The following GALNT17 variants were observed in gnomAD, a reference collection of about 807,000 sequenced individuals.
GALNT17 encodes UDP-GalNAc:polypeptide N-acetylgalactosaminyltransferase-like 3.
GALNT17 carries 29 observed loss-of-function variants against 63.7 expected under a neutral mutation model. The ratio of observed to expected loss-of-function variants is 0.46; its 90% confidence interval spans 0.34 to 0.62. GALNT17 has a LOEUF of 0.62. Among genes scored for constraint, GALNT17 ranks in the 20% least tolerant of loss-of-function variants. The pLI is 0.01. For missense variants in GALNT17, 603 were observed against 799.6 expected (o/e 0.75, Z 2.97); for synonymous variants, 305 against 318.3 (o/e 0.96, Z 0.45).
At chr7:71,216,055 T>TAAC (rs1789471657) in intron 1 of GALNT17, among the ~76,000 whole-genome samples, 1 of 138,768 alleles carries the variant, frequency 7.2e-6, no homozygotes, top group Non-Finnish European at 1.6e-5. Context: ...TAAATAATAA[T>TAAC]AATAATAATA....
intron 1 of GALNT17, among the ~76,000 whole-genome samples, chr7:71,242,244 C>CT (rs796157853): frequency 2.4e-3 from 280 of 117,014 alleles, no homozygotes; most frequent in East Asian, 9.1e-3. Context: ...GATCACATTT[C>CT]TTTTTTTTTT....
chr7:71,671,755 G>A (rs12699062), intron 8 of GALNT17, among the ~76,000 whole-genome samples: 6,052 of 152,254 alleles, frequency 0.04, 144 homozygotes, highest in Middle Eastern at 0.072. Flanking sequence ...GCCAAGCACC[G>A]TGGCTCACGC....
At chr7:71,308,787 A>G (rs138954765) in intron 1 of GALNT17, among the ~76,000 whole-genome samples, 2,145 of 143,958 alleles carry the variant, frequency 0.015, 26 homozygotes, top group Middle Eastern at 0.03. Context: ...TCTGTTGCCC[A>G]GGCTGGAGTG....
intron 5 of GALNT17, among the ~76,000 whole-genome samples, chr7:71,458,608 A>G (rs1030963089): frequency 1.3e-5 from 2 of 152,188 alleles, no homozygotes; most frequent in Non-Finnish European, 2.9e-5. Context: ...GAATCAGGTC[A>G]CACATGGACT....
rs142043206 is a variant in GALNT17, at chr7:71,670,880, CTGTG to C, written c.1404+790_1404+793del. ...ACACTTTGATGTGTGGGCCTCCGGA[CTGTG>C]TGTGTGTGTGTGTGTGTGCGTGTGT... On this transcript the variant is annotated intron_variant, in intron 8 of 10. Transcript: ENST00000333538. Among the ~76,000 whole-genome samples the C allele has an allele frequency of 8.1e-3, 681 of 84,596 alleles. 22 individuals carry two copies. Among genetic ancestry groups the C allele is most frequent in the Admixed American group, 0.06 (457 of 7,560 alleles). The allele number at this position is 84,596 out of a possible 152,430, so 55.5% of individuals were successfully genotyped here.
intron 2 of GALNT17, among the ~76,000 whole-genome samples, chr7:71,353,899 A>G (rs1295756211): frequency 6.6e-6 from 1 of 152,202 alleles, no homozygotes; most frequent in African/African-American, 2.4e-5. Flanking sequence ...CAGGCTATAT[A>G]GGAAGCATGA....
Position 71,684,516 on chromosome 7 carries a change from C to T in GALNT17, c.1500+7210C>T, listed in dbSNP as rs995002047. On this transcript the variant is annotated intron_variant, in intron 9 of 10. Coordinates refer to ENST00000333538, the MANE Select transcript of GALNT17 (RefSeq NM_022479.3). ...CATAGCCGCGTGTTCCAGCCCCTGC[C>T]TAGGGACAGCTCTGAACACTCTGGG... Among the ~76,000 whole-genome samples the T allele has an allele frequency of 3.3e-5, 5 of 152,074 alleles. No individual in the cohort carries two copies. In the East Asian group the frequency reaches 7.7e-4, roughly 24 times the overall value.
chr7:71,314,629 A>T (rs1791470123), intron 1 of GALNT17, among the ~76,000 whole-genome samples: 1 of 152,074 alleles, frequency 6.6e-6, no homozygotes. Flanking sequence ...GTTGAGATTA[A>T]TTTACATCCC....
At chr7:71,709,832 C>A (rs1451045975) in intron 9 of GALNT17, among the ~76,000 whole-genome samples, 3 of 152,198 alleles carry the variant, frequency 2.0e-5, no homozygotes, top group Non-Finnish European at 4.4e-5. Flanking sequence ...CTCCTGGCTT[C>A]AAGTGATCTG....
At chr7:71,414,403 G>C (rs1465738341) in intron 3 of GALNT17, among the ~76,000 whole-genome samples, 1 of 152,036 alleles carries the variant, frequency 6.6e-6, no homozygotes, top group Non-Finnish European at 1.5e-5. Context: ...TTTCTATATA[G>C]CTTTTCCTTT....
At chr7:71,646,893 C>A (rs1220912517) in intron 6 of GALNT17, among the ~76,000 whole-genome samples, 1 of 151,106 alleles carries the variant, frequency 6.6e-6, no homozygotes, top group Admixed American at 6.6e-5. Flanking sequence ...ACTACAGGTG[C>A]CCGCCACCAC....
In GALNT17 at chr7:71,192,507, C is replaced by T. The variant is rs551631325; in HGVS notation, c.238+59467C>T. Among the ~76,000 whole-genome samples the T allele has an allele frequency of 6.6e-5, 10 of 151,776 alleles. No individual in the cohort carries two copies. In the South Asian group the frequency reaches 1.3e-3, roughly 19 times the overall value. The stretch of plus-strand genomic sequence containing the variant: ...GCCTCCCAGGTTCAAGTGATCCTCC[C>T]GCCTCAGCCTCCCAAGTAGCCGGGA... On this transcript the variant is annotated intron_variant, in intron 1 of 10. Coordinates refer to ENST00000333538, the MANE Select transcript of GALNT17 (RefSeq NM_022479.3).
chr7:71,470,578 A>AG (rs1787611487), intron 5 of GALNT17, among the ~76,000 whole-genome samples: 1 of 152,074 alleles, frequency 6.6e-6, no homozygotes, highest in African/African-American at 2.4e-5. Context: ...AAGTGGAAGG[A>AG]GGGAGACGAT....
At chr7:71,234,499 G>A (rs1369981666) in intron 1 of GALNT17, among the ~76,000 whole-genome samples, 2 of 152,072 alleles carry the variant, frequency 1.3e-5, no homozygotes, top group Admixed American at 1.3e-4. Context: ...GCTGAGCTCA[G>A]GTGATCAGCC....
intron 9 of GALNT17, among the ~76,000 whole-genome samples, chr7:71,681,031 C>G (rs927018140): frequency 1.2e-4 from 18 of 152,162 alleles, no homozygotes; most frequent in Admixed American, 3.3e-4. Context: ...TCCTTAGTAG[C>G]TGGGACTAAA....
chr7:71,440,966 A>G (rs10264720), intron 5 of GALNT17, among the ~76,000 whole-genome samples: 151,659 of 152,090 alleles, frequency 1, 75,615 homozygotes, highest in Middle Eastern at 1. Context: ...ACATATGACT[A>G]TTTCATGTCT....
At chr7:71,171,713 G>A (rs1052015372) in intron 1 of GALNT17, among the ~76,000 whole-genome samples, 1 of 152,184 alleles carries the variant, frequency 6.6e-6, no homozygotes, top group Non-Finnish European at 1.5e-5. Context: ...AAATACACAC[G>A]ATGAGGTTGA....
intron 9 of GALNT17, among the ~76,000 whole-genome samples, chr7:71,683,914 C>T (rs1488877362): frequency 3.3e-5 from 5 of 149,416 alleles, no homozygotes; most frequent in African/African-American, 1.2e-4. Flanking sequence ...GAGGCTGAGG[C>T]AGGAGAATCA....
At chr7:71,455,107 A>G (rs114216922) in intron 5 of GALNT17, among the ~76,000 whole-genome samples, 2,775 of 152,054 alleles carry the variant, frequency 0.018, 37 homozygotes, top group African/African-American at 0.027. Flanking sequence ...GGTCAAGGCT[A>G]CAGTGAGCCA....
Sources: gnomAD v4.1 joint callset for allele counts (sites outside exome capture counted in the v4.1 genomes callset) on GRCh38, gnomAD v4.1.1 for gene constraint, MANE v1.5 for transcripts, NCBI Gene and HGNC (gene_info 2026-07-23, HGNC 2026-07-21) for gene names.